NCAM1: variants seen among roughly 807,000 people sequenced by gnomAD.
The protein encoded by NCAM1 is antigen recognized by monoclonal antibody 5.1H11.
Under a neutral mutation model 109.8 loss-of-function variants are expected in NCAM1, and 14 were observed. The observed-to-expected ratio is 0.13, with a 90% CI of 0.08 to 0.20. The LOEUF (loss-of-function observed/expected upper bound fraction) is 0.20, where lower values mean the gene tolerates loss of function less well. Ranked by LOEUF, NCAM1 falls within the 10% of genes least tolerant of loss-of-function variation. The probability of loss-of-function intolerance (pLI) is 1.00; values close to 1 mark genes in which losing one functional copy is unlikely to be tolerated. For synonymous variants in NCAM1, 418 were observed against 442.9 expected, an observed-to-expected ratio of 0.94 and a Z score of 0.70; for missense variants, 774 against 1,109.9, an observed-to-expected ratio of 0.70 and a Z score of 4.30.
chr11:113,036,707 A>G (rs1458675105), intron 1 of NCAM1, among the ~76,000 whole-genome samples: 1 of 151,940 alleles, frequency 6.6e-6, no homozygotes, highest in Non-Finnish European at 1.5e-5. Flanking sequence ...CATAATTCTC[A>G]CTATCCTTGC....
In NCAM1 at chr11:113,277,811, AC is replaced by A. The variant is rs1335840809; in HGVS notation, c.*2425del. On this transcript the variant is annotated 3_prime_UTR_variant, in exon 20 of 20. Coordinates refer to ENST00000316851, the MANE Select transcript of NCAM1 (RefSeq NM_181351.5). ...ACATTTTGGTCTGTTCTCTCCCATTACACATAGGTTTGTCTCAGCATGCAAG... is the reference window on the plus strand; with the variant it reads ...ACATTTTGGTCTGTTCTCTCCCATTAACATAGGTTTGTCTCAGCATGCAAG... 1 of 162,552 alleles carries A rather than the reference AC, an allele frequency of 6.2e-6. No individual in the cohort carries two copies. Among genetic ancestry groups the A allele is most frequent in the African/African-American group, 2.6e-5 (1 of 38,492 alleles). The allele number at this position is 162,552 out of a possible 1,614,324, so 10.1% of individuals were successfully genotyped here. A position where few individuals can be genotyped will look rare whatever the true frequency, so the allele number is the denominator to read the frequency against.
intron 14 of NCAM1, among the ~76,000 whole-genome samples, chr11:113,239,443 C>A (rs926807489): frequency 7.3e-5 from 11 of 150,964 alleles, no homozygotes; most frequent in Non-Finnish European, 1.5e-4. Flanking sequence ...GCTTCTGTAC[C>A]ATGAAGCAAA....
chr11:113,065,997 G>A (rs1425677210), intron 1 of NCAM1, among the ~76,000 whole-genome samples: 2 of 152,178 alleles, frequency 1.3e-5, no homozygotes, highest in Non-Finnish European at 2.9e-5. Context: ...AATGAAAGAA[G>A]TGTGCGTGTG....
chr11:113,232,478 C>A, intron 11 of NCAM1, 124 bp downstream of exon 11: 1 of 1,058,236 alleles, frequency 9.4e-7, no homozygotes, highest in Non-Finnish European at 1.3e-6. Flanking sequence ...AAGGCATGGG[C>A]TAGAGAAGAC....
intron 1 of NCAM1, among the ~76,000 whole-genome samples, chr11:112,973,098 C>A (rs1473703611): frequency 6.6e-6 from 1 of 152,034 alleles, no homozygotes; most frequent in African/African-American, 2.4e-5. Flanking sequence ...TACCTCATTG[C>A]CTGTGGTGTT....
chr11:113,175,382 A>G (rs1555106858), intron 1 of NCAM1, among the ~76,000 whole-genome samples: 1 of 152,248 alleles, frequency 6.6e-6, no homozygotes, highest in Admixed American at 6.5e-5. Flanking sequence ...TGAATTGGGT[A>G]CATCCACCCT....
At chr11:113,153,453 TGAGAGAGA>T (rs10669540) in intron 1 of NCAM1, among the ~76,000 whole-genome samples, 18 of 141,280 alleles carry the variant, frequency 1.3e-4, no homozygotes, top group South Asian at 1.1e-3. Context: ...AGACAGAGAG[TGAGAGAGA>T]GAGAGAGAGA....
At chr11:113,092,834 T>C (rs782286834) in intron 1 of NCAM1, among the ~76,000 whole-genome samples, 1 of 152,196 alleles carries the variant, frequency 6.6e-6, no homozygotes, top group Non-Finnish European at 1.5e-5. Flanking sequence ...AGAATACCTC[T>C]GTGTTTAGCA....
chr11:113,060,481 C>T (rs545466901), intron 1 of NCAM1, among the ~76,000 whole-genome samples: 9 of 152,156 alleles, frequency 5.9e-5, no homozygotes, highest in African/African-American at 1.9e-4. Context: ...TATTTTATGT[C>T]TTTGGTGATG....
At chr11:113,100,017 G>T (rs1486420917) in intron 1 of NCAM1, among the ~76,000 whole-genome samples, 2 of 152,152 alleles carry the variant, frequency 1.3e-5, no homozygotes, top group Non-Finnish European at 2.9e-5. Flanking sequence ...AGGACACAAA[G>T]GCTGTTTGAA....
chr11:113,009,320 T>G (rs75524572), intron 1 of NCAM1, among the ~76,000 whole-genome samples: 446 of 44,052 alleles, frequency 0.01, 4 homozygotes, highest in East Asian at 0.053. Flanking sequence ...GGGTTTTTTT[T>G]TTTTTTTTTT....
At chr11:112,988,875 G>A (rs1157344976) in intron 1 of NCAM1, among the ~76,000 whole-genome samples, 5 of 151,132 alleles carry the variant, frequency 3.3e-5, no homozygotes, top group East Asian at 2.0e-4. Flanking sequence ...AGCCACCCAC[G>A]TAGCTGGGAT....
chr11:113,076,234 G>A (rs1008882899), intron 1 of NCAM1, among the ~76,000 whole-genome samples: 1 of 152,198 alleles, frequency 6.6e-6, no homozygotes, highest in East Asian at 1.9e-4. Flanking sequence ...AGGAGAAAGA[G>A]GGACCCTTTT....
chr11:113,207,124 T>C (rs143842113), intron 5 of NCAM1, 137 bp from the exon 6 acceptor site: 17 of 624,040 alleles, frequency 2.7e-5, no homozygotes, highest in Middle Eastern at 2.6e-4. Flanking sequence ...TTTCAATTCC[T>C]GACACTAACT....
At chr11:112,981,222 C>T (rs181360799) in intron 1 of NCAM1, among the ~76,000 whole-genome samples, 3 of 151,774 alleles carry the variant, frequency 2.0e-5, no homozygotes, top group South Asian at 2.1e-4. Flanking sequence ...AAAAAAAAAC[C>T]GAAATGATGT....
At chr11:113,107,898 C>T (rs957214460) in intron 1 of NCAM1, among the ~76,000 whole-genome samples, 7 of 152,172 alleles carry the variant, frequency 4.6e-5, no homozygotes, top group Admixed American at 1.3e-4. Context: ...CAAACTGCAA[C>T]TTCTGTGTTA....
chr11:113,236,316 G>T, intron 14 of NCAM1: 1 of 1,613,028 alleles, frequency 6.2e-7, no homozygotes, highest in Non-Finnish European at 8.5e-7. Flanking sequence ...CCTCCTCCAC[G>T]TAAGTGCCTC....
chr11:113,259,946 C>T (rs1945940472), intron 16 of NCAM1, 200 bp from the exon 17 acceptor site: 2 of 470,580 alleles, frequency 4.3e-6, no homozygotes, highest in East Asian at 8.0e-5. Context: ...TCAAGTGATC[C>T]ACCCGCCTCG....
At chr11:112,977,984 A>G (rs1951050033) in intron 1 of NCAM1, among the ~76,000 whole-genome samples, 1 of 151,880 alleles carries the variant, frequency 6.6e-6, no homozygotes, top group African/African-American at 2.4e-5. Context: ...GAATTAGTGC[A>G]GTGTTTTGTG....
Sources: gnomAD v4.1 joint callset for allele counts (sites outside exome capture counted in the v4.1 genomes callset) on GRCh38, gnomAD v4.1.1 for gene constraint, MANE v1.5 for transcripts, NCBI Gene and HGNC (gene_info 2026-07-23, HGNC 2026-07-21) for gene names.